The following ADORA2B variants were observed in gnomAD, a reference collection of about 807,000 sequenced individuals.
The protein encoded by ADORA2B is adenosine A2b receptor.
ADORA2B carries 18 observed loss-of-function variants against 20.8 expected under a neutral mutation model. The observed-to-expected ratio is 0.87, with a 90% CI of 0.60 to 1.29. The LOEUF is 1.29. Ranked by LOEUF, ADORA2B falls within the 50% of genes most tolerant of loss-of-function variation. ADORA2B has a pLI of 0.00. For missense variants in ADORA2B, 441 were observed against 422.7 expected, an observed-to-expected ratio of 1.04 and a Z score of -0.38; for synonymous variants, 179 against 178.3, an observed-to-expected ratio of 1.00 and a Z score of -0.03.
the ADORA2B span, among the ~76,000 whole-genome samples, chr17:15,920,701 T>TAGA: frequency 1.5e-5 from 2 of 136,826 alleles, no homozygotes; most frequent in Non-Finnish European, 1.5e-5. Flanking sequence ...AGCCTGGTGA[T>TAGA]AGAGGGAGAC....
chr17:15,858,941 C>G, the ADORA2B span: 1 of 152,184 alleles, frequency 6.6e-6, no homozygotes, highest in Non-Finnish European at 1.5e-5. Context: ...GTCTTATCTC[C>G]TGCCAGCTGC....
At chr17:15,893,058 A>G in the ADORA2B span, among the ~76,000 whole-genome samples, 4 of 152,230 alleles carry the variant, frequency 2.6e-5, no homozygotes, top group African/African-American at 7.2e-5. Context: ...ATTCTTGTAT[A>G]TGCACTAAAA....
At chr17:15,893,353 A>C in the ADORA2B span, among the ~76,000 whole-genome samples, 1 of 152,202 alleles carries the variant, frequency 6.6e-6, no homozygotes, top group Non-Finnish European at 1.5e-5. Flanking sequence ...CCTGGGGAAA[A>C]ATAATGTTAA....
chr17:15,906,210 A>G, the ADORA2B span, among the ~76,000 whole-genome samples: 5 of 152,236 alleles, frequency 3.3e-5, no homozygotes, highest in African/African-American at 7.2e-5. Context: ...GAAGTGTTCA[A>G]GTCTTTCATT....
intron 1 of ADORA2B, among the ~76,000 whole-genome samples, chr17:15,959,421 C>A (rs1438722977): frequency 6.6e-6 from 1 of 151,614 alleles, no homozygotes; most frequent in African/African-American, 2.4e-5. Flanking sequence ...CACTTACATT[C>A]ACAAATTATG....
Position 15,968,638 on chromosome 17 carries a change from A to G in ADORA2B, c.336-6041A>G, listed in dbSNP as rs533484657. On this transcript the variant is annotated intron_variant, in intron 1 of 1. Transcript: ENST00000304222. ...ATGGAAGAGCTGTAGATTCCTATGC[A>G]GGAAAATGGCAGTTTGGGGCGAAAT... Among the ~76,000 whole-genome samples the G allele has an allele frequency of 2.4e-3, 367 of 152,310 alleles. 2 individuals are homozygous for G. Among genetic ancestry groups the G allele is most frequent in the Non-Finnish European group, 2.8e-3 (192 of 68,018 alleles).
the ADORA2B span, among the ~76,000 whole-genome samples, chr17:15,875,646 G>A: frequency 6.6e-6 from 1 of 152,140 alleles, no homozygotes; most frequent in African/African-American, 2.4e-5. Flanking sequence ...GCTATGGCAC[G>A]ATCTCGGTTC....
At chr17:15,883,863 C>T in the ADORA2B span, among the ~76,000 whole-genome samples, 7 of 152,184 alleles carry the variant, frequency 4.6e-5, no homozygotes, top group African/African-American at 9.7e-5. Flanking sequence ...TGTGATGAAC[C>T]TGCATGTGTC....
At chr17:15,864,894 T>C in the ADORA2B span, among the ~76,000 whole-genome samples, 4 of 151,592 alleles carry the variant, frequency 2.6e-5, no homozygotes, top group East Asian at 5.8e-4. Flanking sequence ...GCGTGACTGT[T>C]AGTGGGTATG....
At chr17:15,901,321 C>T in the ADORA2B span, among the ~76,000 whole-genome samples, 17,770 of 151,850 alleles carry the variant, frequency 0.12, 1,363 homozygotes, top group South Asian at 0.23. Flanking sequence ...CAAAATTAGC[C>T]GGGTGTGGTG....
chr17:15,939,728 G>A, the ADORA2B span, among the ~76,000 whole-genome samples: 5 of 151,884 alleles, frequency 3.3e-5, no homozygotes, highest in Non-Finnish European at 7.4e-5. Flanking sequence ...GGGTGTGGTG[G>A]CGGGTGCCTG....
chr17:15,961,753 TGA>T (rs1970044840), intron 1 of ADORA2B, among the ~76,000 whole-genome samples: 1 of 152,058 alleles, frequency 6.6e-6, no homozygotes, highest in Admixed American at 6.5e-5. Flanking sequence ...GTAAGAGAGG[TGA>T]GAGAGTGAGC....
At chr17:15,939,541 G>C in the ADORA2B span, among the ~76,000 whole-genome samples, 1 of 152,170 alleles carries the variant, frequency 6.6e-6, no homozygotes, top group Non-Finnish European at 1.5e-5. Flanking sequence ...GGAGGCTGAA[G>C]AAGTTCAGGA....
the ADORA2B span, among the ~76,000 whole-genome samples, chr17:15,930,880 G>A: frequency 5.3e-5 from 8 of 152,366 alleles, no homozygotes; most frequent in East Asian, 1.5e-3. Context: ...ATCCACCTGA[G>A]TGTTTGTTCA....
At chr17:15,964,611 G>C (rs1970078857) in intron 1 of ADORA2B, among the ~76,000 whole-genome samples, 1 of 121,524 alleles carries the variant, frequency 8.2e-6, no homozygotes, top group South Asian at 2.6e-4. Context: ...GCAAGACTCT[G>C]TCTCAAAAAA....
chr17:15,916,248 A>G, the ADORA2B span, among the ~76,000 whole-genome samples: 23 of 152,248 alleles, frequency 1.5e-4, no homozygotes, highest in African/African-American at 5.3e-4. Context: ...AAACAAGTCA[A>G]CCTTCCTGGG....
the ADORA2B span, among the ~76,000 whole-genome samples, chr17:15,855,771 T>G: frequency 2.2e-4 from 33 of 152,156 alleles, no homozygotes; most frequent in Non-Finnish European, 1.8e-4. Flanking sequence ...TGCTGAGGTT[T>G]GGGGTACAAT....
upstream of ADORA2B, among the ~76,000 whole-genome samples, chr17:15,942,628 C>T (rs1969754498): frequency 6.6e-6 from 1 of 152,176 alleles, no homozygotes; most frequent in Middle Eastern, 3.2e-3. Flanking sequence ...GGCCCAGCAG[C>T]TGCAGGGCGT....
At chr17:15,879,445 C>G in the ADORA2B span, among the ~76,000 whole-genome samples, 4 of 151,478 alleles carry the variant, frequency 2.6e-5, no homozygotes, top group African/African-American at 9.7e-5. Context: ...AGAGTGAGTC[C>G]CTGACTTTAA....
Sources: gnomAD v4.1 joint callset for allele counts (sites outside exome capture counted in the v4.1 genomes callset) on GRCh38, gnomAD v4.1.1 for gene constraint, MANE v1.5 for transcripts, NCBI Gene and HGNC (gene_info 2026-07-23, HGNC 2026-07-21) for gene names.